Variants in DOK6 observed in about 807,000 individuals in gnomAD.
DOK6 encodes the protein docking protein 6, also known as downstream of tyrosine kinase 6.
In DOK6, 22 loss-of-function variants were observed where a neutral mutation model predicts 44.0. The ratio of observed to expected loss-of-function variants is 0.50; its 90% CI spans 0.36 to 0.71. DOK6 has a LOEUF of 0.71. Ranked by LOEUF, DOK6 falls within the 30% of genes least tolerant of loss-of-function variation. The probability of loss-of-function intolerance (pLI) is 0.00; values close to 1 mark genes in which losing one functional copy is unlikely to be tolerated. For missense variants in DOK6, 340 were observed against 416.4 expected, an observed-to-expected ratio of 0.82 and a Z score of 1.60; for synonymous variants, 166 against 145.5, an observed-to-expected ratio of 1.14 and a Z score of -1.01.
chr18:69,698,304 A>G (rs1309150282), intron 4 of DOK6, 100 bp from the exon 5 acceptor site: 3 of 1,070,304 alleles, frequency 2.8e-6, no homozygotes, highest in Non-Finnish European at 4.0e-6. Context: ...GGATGTGGTC[A>G]TGTTTCCTGC....
intron 3 of DOK6, among the ~76,000 whole-genome samples, chr18:69,633,281 G>A (rs1338533194): frequency 6.6e-6 from 1 of 152,072 alleles, no homozygotes; most frequent in Non-Finnish European, 1.5e-5. Context: ...TATTCACACC[G>A]ATTTTACAAA....
intron 1 of DOK6, among the ~76,000 whole-genome samples, chr18:69,507,430 A>G (rs1376566585): frequency 1.3e-5 from 2 of 152,152 alleles, no homozygotes; most frequent in East Asian, 1.9e-4. Flanking sequence ...TTGTCTTCTC[A>G]TATATTTCAG....
At chr18:69,493,792 C>T (rs1350946298) in intron 1 of DOK6, among the ~76,000 whole-genome samples, 1 of 151,988 alleles carries the variant, frequency 6.6e-6, no homozygotes, top group Admixed American at 6.6e-5. Context: ...CATGCCACAC[C>T]CACAATGGTT....
intron 7 of DOK6, among the ~76,000 whole-genome samples, chr18:69,785,457 G>A (rs1191485870): frequency 6.6e-6 from 1 of 152,186 alleles, no homozygotes; most frequent in Non-Finnish European, 1.5e-5. Flanking sequence ...CCCTCGTTCT[G>A]CAGCCAAGGC....
chr18:69,438,840 G>A (rs1172102850), intron 1 of DOK6, among the ~76,000 whole-genome samples: 1 of 152,158 alleles, frequency 6.6e-6, no homozygotes, highest in African/African-American at 2.4e-5. Context: ...AGAGGCCAAA[G>A]TGGGTGGATT....
chr18:69,432,164 T>G (rs1721970611), intron 1 of DOK6, among the ~76,000 whole-genome samples: 2 of 152,242 alleles, frequency 1.3e-5, no homozygotes, highest in South Asian at 4.1e-4. Context: ...TCATTTTGTC[T>G]GGGCATGGTG....
At chr18:69,764,217 C>T (rs1979648501) in intron 7 of DOK6, among the ~76,000 whole-genome samples, 1 of 152,130 alleles carries the variant, frequency 6.6e-6, no homozygotes, top group Admixed American at 6.6e-5. Context: ...GGTTAGTTCA[C>T]GTTCTTCTTT....
rs774140651 is a variant in DOK6 at position 69,624,621 on chromosome 18, T to C, written c.289+25123T>C. On this transcript the variant is annotated intron_variant, in intron 3 of 7. Coordinates refer to ENST00000382713, the MANE Select transcript of DOK6 (RefSeq NM_152721.6). The stretch of plus-strand genomic sequence containing the variant: ...CAAAAGCTAAGCCAGAGATGTATCA[T>C]GAGAGTATTACTTACTGGTTCCTTT... 1.4e-4 allele frequency among the ~76,000 whole-genome samples: 22 copies of C among 152,234 alleles called. No individual in the cohort carries two copies. The East Asian group carries it at 4.3e-3, about 29-fold the overall frequency.
Position 69,549,870 on chromosome 18 carries a change from ATT to A in DOK6, c.67-14604_67-14603del, listed in dbSNP as rs33984742. ...AAGAAAACGTGGGGAAGAGTTTTTA[ATT>A]TTTTTTTTTTTTGCCTATCTAGGAT... On this transcript the variant is annotated intron_variant, in intron 1 of 7. Transcript: ENST00000382713. Among the ~76,000 whole-genome samples, 258 of 143,194 alleles carry A rather than the reference ATT, an allele frequency of 1.8e-3. 1 individual carries two copies. Among genetic ancestry groups the A allele is most frequent in the African/African-American group, 6.2e-3 (245 of 39,630 alleles). 93.9% of individuals were successfully genotyped at this position (143,194 alleles called of 152,430 possible).
intron 5 of DOK6, among the ~76,000 whole-genome samples, chr18:69,738,222 C>T (rs991757410): frequency 2.6e-5 from 4 of 152,148 alleles, no homozygotes; most frequent in Non-Finnish European, 4.4e-5. Flanking sequence ...TAGTTATCCT[C>T]ATGAATATTT....
intron 1 of DOK6, among the ~76,000 whole-genome samples, chr18:69,503,972 G>A (rs748959072): frequency 2.0e-5 from 3 of 151,958 alleles, no homozygotes; most frequent in Non-Finnish European, 2.9e-5. Flanking sequence ...AAGAACTATC[G>A]AGAATTCTGA....
intron 3 of DOK6, among the ~76,000 whole-genome samples, chr18:69,670,381 C>T (rs1031520497): frequency 1.3e-5 from 2 of 152,070 alleles, no homozygotes; most frequent in South Asian, 4.1e-4. Flanking sequence ...AAGAGTTGCA[C>T]AGAAAGCAAT....
chr18:69,760,730 T>C (rs9956618), intron 7 of DOK6, among the ~76,000 whole-genome samples: 29,028 of 88,886 alleles, frequency 0.33, 4,771 homozygotes, highest in East Asian at 0.57. Context: ...CGGGGGCCGG[T>C]TGTGACCAAT....
intron 1 of DOK6, among the ~76,000 whole-genome samples, chr18:69,420,927 G>C (rs1978474535): frequency 6.6e-6 from 1 of 152,062 alleles, no homozygotes; most frequent in African/African-American, 2.4e-5. Context: ...ACCATTGGCT[G>C]TATCTATTTC....
At chr18:69,743,614 AT>A (rs1196951325) in intron 6 of DOK6, among the ~76,000 whole-genome samples, 1 of 152,178 alleles carries the variant, frequency 6.6e-6, no homozygotes, top group African/African-American at 2.4e-5. Flanking sequence ...TTCTAAAGCA[AT>A]TTATTATAAA....
chr18:69,727,989 C>T (rs954223929), intron 5 of DOK6, among the ~76,000 whole-genome samples: 2 of 152,198 alleles, frequency 1.3e-5, no homozygotes, highest in African/African-American at 2.4e-5. Flanking sequence ...ATTCAAGCCT[C>T]GTCTGGTCTG....
At chr18:69,522,294 G>A (rs1981709914) in intron 1 of DOK6, among the ~76,000 whole-genome samples, 1 of 151,804 alleles carries the variant, frequency 6.6e-6, no homozygotes. Flanking sequence ...ATGGCTGAAG[G>A]GATCAGTACT....
In DOK6 at chr18:69,845,413, T is replaced by C. The variant is rs1253164384; in HGVS notation, c.*4030T>C. On this transcript the variant is annotated 3_prime_UTR_variant, in exon 8 of 8. Transcript: ENST00000382713. ...ATTACTTCATCCGTCATTAACTATA[T>C]GATCTCCCAAACACAGCCTTCTCAA... 6.6e-6 allele frequency: 1 copy of C among 152,232 alleles called. No individual in the cohort carries two copies. Among genetic ancestry groups the C allele is most frequent in the Non-Finnish European group, 1.5e-5 (1 of 68,048 alleles). 9.4% of individuals were successfully genotyped at this position (152,232 alleles called of 1,614,324 possible).
chr18:69,771,700 T>C (rs1979891479), intron 7 of DOK6, among the ~76,000 whole-genome samples: 1 of 152,016 alleles, frequency 6.6e-6, no homozygotes, highest in Non-Finnish European at 1.5e-5. Flanking sequence ...CTACAGCAGA[T>C]TTATTAATTT....
Sources: gnomAD v4.1 joint callset for allele counts (sites outside exome capture counted in the v4.1 genomes callset) on GRCh38, gnomAD v4.1.1 for gene constraint, MANE v1.5 for transcripts, NCBI Gene and HGNC (gene_info 2026-07-23, HGNC 2026-07-21) for gene names.